Variants in GABRB1 observed in about 807,000 individuals in gnomAD.
GABRB1 encodes gamma-aminobutyric acid receptor subunit beta-1.
GABRB1 carries 17 observed loss-of-function variants against 51.6 expected under a neutral mutation model. The observed-to-expected ratio is 0.33, with a 90% CI of 0.23 to 0.49. The LOEUF is 0.49. GABRB1 is among the 20% of genes least tolerant of loss of function. The pLI is 0.99. For missense variants in GABRB1, 410 were observed against 600.6 expected, an observed-to-expected ratio of 0.68 and a Z score of 3.32; for synonymous variants, 247 against 218.9, an observed-to-expected ratio of 1.13 and a Z score of -1.14.
Position 47,199,770 on chromosome 4 carries a change from T to C in GABRB1, c.461+38301T>C, listed in dbSNP as rs534878024. ...AGTTTGCTAAATCATCAGCTGAGAG[T>C]TAAAATTGGAAGGAAATGTTCAATG... On this transcript the variant is annotated intron_variant, in intron 4 of 8. Transcript: ENST00000295454. Among the ~76,000 whole-genome samples the C allele has an allele frequency of 2.0e-5, 3 of 152,174 alleles. No homozygotes were observed. The South Asian group carries it at 6.2e-4, about 32-fold the overall frequency.
At chr4:47,025,104 CAT>C (rs1219277157) in intron 1 of GABRB1, among the ~76,000 whole-genome samples, 4 of 149,568 alleles carry the variant, frequency 2.7e-5, no homozygotes, top group African/African-American at 2.5e-5. Flanking sequence ...ATATATATAT[CAT>C]ATATATATGT....
intron 5 of GABRB1, among the ~76,000 whole-genome samples, chr4:47,372,248 G>A (rs964358620): frequency 6.6e-6 from 1 of 152,122 alleles, no homozygotes; most frequent in Non-Finnish European, 1.5e-5. Flanking sequence ...GATAGTTGTA[G>A]TGTGCAGTCT....
At chr4:47,147,354 G>A (rs998073899) in intron 3 of GABRB1, among the ~76,000 whole-genome samples, 3 of 151,714 alleles carry the variant, frequency 2.0e-5, no homozygotes, top group African/African-American at 7.3e-5. Context: ...CAGACTAATA[G>A]AGTGTTTCAC....
At chr4:47,124,345 A>C (rs1177327216) in intron 3 of GABRB1, among the ~76,000 whole-genome samples, 1 of 152,122 alleles carries the variant, frequency 6.6e-6, no homozygotes, top group Non-Finnish European at 1.5e-5. Context: ...AGGCAGTACC[A>C]TTAGCCCCAG....
intron 5 of GABRB1, among the ~76,000 whole-genome samples, chr4:47,392,349 T>A (rs895103102): frequency 1.3e-5 from 2 of 150,260 alleles, no homozygotes; most frequent in African/African-American, 4.9e-5. Context: ...TTTTTTTTTT[T>A]TTTTTTTTGA....
intron 4 of GABRB1, among the ~76,000 whole-genome samples, chr4:47,254,160 A>G (rs924900841): frequency 6.6e-6 from 1 of 152,100 alleles, no homozygotes; most frequent in Non-Finnish European, 1.5e-5. Context: ...AAGAAGGTTG[A>G]GTCCTACCGT....
intron 5 of GABRB1, among the ~76,000 whole-genome samples, chr4:47,331,903 T>A (rs1165787988): frequency 6.6e-6 from 1 of 152,224 alleles, no homozygotes; most frequent in African/African-American, 2.4e-5. Context: ...TCAATCTGAC[T>A]GGCAAGTCTA....
In GABRB1 at chr4:47,140,208, A is replaced by G. The variant is rs74345054; in HGVS notation, c.241-21041A>G. Reference sequence around the variant, plus strand: ...GCACAAATCCTGTGAACACTGTGAGATATAATGTATGTTGTAATTTTACAA... The same window carrying G: ...GCACAAATCCTGTGAACACTGTGAGGTATAATGTATGTTGTAATTTTACAA... On this transcript the variant is annotated intron_variant, in intron 3 of 8. Coordinates refer to ENST00000295454, the MANE Select transcript of GABRB1 (RefSeq NM_000812.4). 1.1e-3 allele frequency among the ~76,000 whole-genome samples: 160 copies of G among 151,898 alleles called. 1 individual carries two copies. In the East Asian group the frequency reaches 0.024, roughly 23 times the overall value.
At chr4:47,228,052 C>T (rs142164935) in intron 4 of GABRB1, among the ~76,000 whole-genome samples, 83 of 152,238 alleles carry the variant, frequency 5.5e-4, no homozygotes, top group Admixed American at 1.2e-3. Context: ...GTGTACAACA[C>T]GTGAATTTGG....
At chr4:47,155,137 A>G (rs752937540) in intron 3 of GABRB1, among the ~76,000 whole-genome samples, 3 of 152,096 alleles carry the variant, frequency 2.0e-5, no homozygotes, top group Non-Finnish European at 2.9e-5. Flanking sequence ...CATGTGAGAT[A>G]GAATGTGACT....
intron 3 of GABRB1, among the ~76,000 whole-genome samples, chr4:47,035,019 A>G (rs1439882038): frequency 6.6e-6 from 1 of 152,184 alleles, no homozygotes; most frequent in Non-Finnish European, 1.5e-5. Flanking sequence ...ATATCATAAA[A>G]ATAGTTTTTA....
intron 4 of GABRB1, among the ~76,000 whole-genome samples, chr4:47,220,930 A>G (rs1212144210): frequency 2.0e-5 from 3 of 151,926 alleles, no homozygotes; most frequent in African/African-American, 7.3e-5. Flanking sequence ...TCAAATCATC[A>G]GTTGTCTACG....
intron 4 of GABRB1, among the ~76,000 whole-genome samples, chr4:47,272,091 A>G (rs1362615322): frequency 6.6e-6 from 1 of 152,190 alleles, no homozygotes; most frequent in Admixed American, 6.6e-5. Context: ...TCTCTTTTGG[A>G]AAGTTAGTTC....
At chr4:47,334,173 A>C (rs529069313) in intron 5 of GABRB1, among the ~76,000 whole-genome samples, 1 of 152,320 alleles carries the variant, frequency 6.6e-6, no homozygotes, top group East Asian at 1.9e-4. Context: ...AGATGATACT[A>C]ATGCTGTTGG....
At chr4:47,098,536 T>C (rs1244650350) in intron 3 of GABRB1, among the ~76,000 whole-genome samples, 2 of 152,182 alleles carry the variant, frequency 1.3e-5, no homozygotes, top group African/African-American at 4.8e-5. Flanking sequence ...GGGTAGTGTA[T>C]TGAAACTGAT....
At chr4:47,353,313 G>A (rs1186018018) in intron 5 of GABRB1, among the ~76,000 whole-genome samples, 1 of 152,174 alleles carries the variant, frequency 6.6e-6, no homozygotes, top group Non-Finnish European at 1.5e-5. Context: ...CCATTTCAGT[G>A]TTTTCTCCAT....
At chr4:47,156,868 T>G (rs1717730532) in intron 3 of GABRB1, among the ~76,000 whole-genome samples, 1 of 151,986 alleles carries the variant, frequency 6.6e-6, no homozygotes, top group Admixed American at 6.6e-5. Flanking sequence ...TTCAGGAGGC[T>G]GAGGCAGGAG....
At chr4:47,074,779 A>G (rs1047184301) in intron 3 of GABRB1, among the ~76,000 whole-genome samples, 1 of 152,226 alleles carries the variant, frequency 6.6e-6, no homozygotes, top group Admixed American at 6.5e-5. Flanking sequence ...GCTAAAGCTA[A>G]AAGAATTACA....
At chr4:47,071,718 T>C (rs1003315290) in intron 3 of GABRB1, among the ~76,000 whole-genome samples, 1 of 151,866 alleles carries the variant, frequency 6.6e-6, no homozygotes, top group Non-Finnish European at 1.5e-5. Flanking sequence ...TTTATCTATT[T>C]GGTTCTCTAA....
Sources: allele counts gnomAD v4.1 joint callset (sites outside exome capture counted in the v4.1 genomes callset), GRCh38; gene constraint gnomAD v4.1.1; transcripts MANE v1.5; gene names NCBI Gene and HGNC (gene_info 2026-07-23, HGNC 2026-07-21).